The following ZFAND3 variants were observed in gnomAD, a reference collection of about 807,000 sequenced individuals.
ZFAND3 encodes zinc finger AN1-type containing 3.
Under a neutral mutation model 29.6 loss-of-function variants are expected in ZFAND3, and 10 were observed. The observed-to-expected ratio is 0.34, with a 90% CI of 0.21 to 0.57. ZFAND3 has a LOEUF of 0.57. Ranked by LOEUF, ZFAND3 falls within the 20% of genes least tolerant of loss-of-function variation. The pLI, the probability that ZFAND3 is intolerant of heterozygous loss-of-function variation, is 0.86. For missense variants in ZFAND3, 230 were observed against 304.5 expected (o/e 0.76, Z 1.82); for synonymous variants, 128 against 112.6 (o/e 1.14, Z -0.87).
intron 1 of ZFAND3, among the ~76,000 whole-genome samples, chr6:37,882,300 T>C (rs1011385723): frequency 6.6e-5 from 10 of 152,176 alleles, no homozygotes; most frequent in Admixed American, 2.0e-4. Context: ...CCCCTCCCCG[T>C]AGGCTCTTCA....
intron 2 of ZFAND3, among the ~76,000 whole-genome samples, chr6:37,930,776 ATAAG>A (rs1297665719): frequency 1.3e-5 from 2 of 152,188 alleles, no homozygotes; most frequent in African/African-American, 4.8e-5. Context: ...TCCTATATAA[ATAAG>A]TCTTTGCTAA....
chr6:37,958,817 G>A (rs1762147274), intron 2 of ZFAND3, among the ~76,000 whole-genome samples: 1 of 151,806 alleles, frequency 6.6e-6, no homozygotes, highest in Admixed American at 6.6e-5. Flanking sequence ...ATTTCCATAG[G>A]GATAGACGTG....
At chr6:37,826,429 A>T (rs1581690258) in intron 1 of ZFAND3, among the ~76,000 whole-genome samples, 1 of 152,276 alleles carries the variant, frequency 6.6e-6, no homozygotes, top group East Asian at 1.9e-4. Flanking sequence ...TGTAAGTGTC[A>T]TATGCAGAAA....
At chr6:38,057,957 G>A (rs1764162654) in intron 2 of ZFAND3, among the ~76,000 whole-genome samples, 1 of 152,178 alleles carries the variant, frequency 6.6e-6, no homozygotes, top group Admixed American at 6.5e-5. Flanking sequence ...CCCTGTGCAG[G>A]TGTAGAAAAG....
At chr6:38,043,857 G>A (rs1763845290) in intron 2 of ZFAND3, among the ~76,000 whole-genome samples, 1 of 151,952 alleles carries the variant, frequency 6.6e-6, no homozygotes, top group African/African-American at 2.4e-5. Flanking sequence ...TGCTCAGGCT[G>A]GTCTCAAACT....
At chr6:37,955,050 T>C (rs960671451) in intron 2 of ZFAND3, among the ~76,000 whole-genome samples, 7 of 152,120 alleles carry the variant, frequency 4.6e-5, no homozygotes, top group African/African-American at 1.7e-4. Context: ...GGAGCCCCTC[T>C]GTAGGTCTCC....
chr6:38,126,376 T>G (rs1181431136), intron 5 of ZFAND3, among the ~76,000 whole-genome samples: 2 of 152,248 alleles, frequency 1.3e-5, no homozygotes, highest in African/African-American at 4.8e-5. Context: ...AGAAGTCTTG[T>G]GTGGACATGT....
chr6:38,117,664 T>G (rs141872707), intron 5 of ZFAND3, among the ~76,000 whole-genome samples: 267 of 152,362 alleles, frequency 1.8e-3, no homozygotes, highest in African/African-American at 6.1e-3. Context: ...GAATCCTATT[T>G]CTTTCTTTCT....
At chr6:38,125,033 A>G (rs1765609047) in intron 5 of ZFAND3, among the ~76,000 whole-genome samples, 1 of 152,208 alleles carries the variant, frequency 6.6e-6, no homozygotes, top group African/African-American at 2.4e-5. Context: ...AAAGTGTCCC[A>G]TCCATCCCCC....
chr6:38,019,404 CT>C, intron 2 of ZFAND3, among the ~76,000 whole-genome samples: 1 of 151,984 alleles, frequency 6.6e-6, no homozygotes. Context: ...GACTTTGGGT[CT>C]TTTTTATTTG....
At chr6:38,048,412 G>A (rs1389969333) in intron 2 of ZFAND3, among the ~76,000 whole-genome samples, 1 of 151,600 alleles carries the variant, frequency 6.6e-6, no homozygotes, top group East Asian at 2.0e-4. Flanking sequence ...ACGAGGTCAG[G>A]AGATCGAGAC....
intron 4 of ZFAND3, among the ~76,000 whole-genome samples, chr6:38,102,478 A>T (rs1765114179): frequency 6.6e-6 from 1 of 152,178 alleles, no homozygotes; most frequent in South Asian, 2.1e-4. Context: ...CTTTTTGGCA[A>T]AGGACTCAGG....
At chr6:38,009,235 T>C (rs746113420) in intron 2 of ZFAND3, among the ~76,000 whole-genome samples, 2 of 152,214 alleles carry the variant, frequency 1.3e-5, no homozygotes, top group Non-Finnish European at 2.9e-5. Context: ...TCACTATGAG[T>C]GTGTGATCTC....
At chr6:38,079,269 C>T (rs923427938) in intron 3 of ZFAND3, among the ~76,000 whole-genome samples, 7 of 152,172 alleles carry the variant, frequency 4.6e-5, no homozygotes, top group African/African-American at 1.7e-4. Flanking sequence ...GCCAGTTACT[C>T]TTGCTGTCAA....
At chr6:37,882,684 T>C (rs1461613459) in intron 1 of ZFAND3, among the ~76,000 whole-genome samples, 1 of 150,250 alleles carries the variant, frequency 6.7e-6, no homozygotes, top group Non-Finnish European at 1.5e-5. Flanking sequence ...ATTAGAGATG[T>C]GGGCCATGGC....
At chr6:37,909,080 A>G (rs1044313775) in intron 1 of ZFAND3, among the ~76,000 whole-genome samples, 4 of 152,104 alleles carry the variant, frequency 2.6e-5, no homozygotes, top group African/African-American at 9.7e-5. Flanking sequence ...TTCAGAGAGA[A>G]ATTTACTTAT....
intron 2 of ZFAND3, among the ~76,000 whole-genome samples, chr6:38,019,814 T>C (rs550861830): frequency 6.6e-6 from 1 of 152,310 alleles, no homozygotes; most frequent in Admixed American, 6.5e-5. Flanking sequence ...CTCTGCCTCC[T>C]GGGTTCAAGT....
intron 1 of ZFAND3, among the ~76,000 whole-genome samples, chr6:37,834,431 G>C (rs1763925271): frequency 6.6e-6 from 1 of 152,068 alleles, no homozygotes; most frequent in Non-Finnish European, 1.5e-5. Context: ...TCCAAGTTTT[G>C]GCAATTATGA....
chr6:37,921,058 T>C (rs933534941), intron 1 of ZFAND3, among the ~76,000 whole-genome samples: 3 of 152,150 alleles, frequency 2.0e-5, no homozygotes, highest in Non-Finnish European at 4.4e-5. Context: ...GGTTTGTTTT[T>C]CCCTTCCTTT....
Sources: gnomAD v4.1 joint callset for allele counts (sites outside exome capture counted in the v4.1 genomes callset) on GRCh38, gnomAD v4.1.1 for gene constraint, MANE v1.5 for transcripts, NCBI Gene and HGNC (gene_info 2026-07-23, HGNC 2026-07-21) for gene names.